The following LRGUK variants were observed in gnomAD, a reference collection of about 807,000 sequenced individuals.
The protein encoded by LRGUK is leucine rich repeats and guanylate kinase domain containing.
Under a neutral mutation model 76.0 loss-of-function variants are expected in LRGUK, and 65 were observed. The ratio of observed to expected loss-of-function variants is 0.85; its 90% confidence interval spans 0.70 to 1.05. The LOEUF (loss-of-function observed/expected upper bound fraction) is 1.05, where lower values mean the gene tolerates loss of function less well. Among genes scored for constraint, LRGUK ranks in the 50% least tolerant of loss-of-function variants. The probability of loss-of-function intolerance (pLI) is 0.00; values close to 1 mark genes in which losing one functional copy is unlikely to be tolerated. For missense variants in LRGUK, 758 were observed against 732.8 expected (o/e 1.03, Z -0.40); for synonymous variants, 268 against 265.6 (o/e 1.01, Z -0.09).
At chr7:134,250,306 A>T (rs1467377794) in intron 18 of LRGUK, among the ~76,000 whole-genome samples, 2 of 152,224 alleles carry the variant, frequency 1.3e-5, no homozygotes, top group Non-Finnish European at 2.9e-5. Flanking sequence ...TAAGAATTTA[A>T]TGAAATATTC....
intron 19 of LRGUK, among the ~76,000 whole-genome samples, chr7:134,260,701 G>A (rs147330882): frequency 6.6e-5 from 10 of 152,220 alleles, no homozygotes; most frequent in African/African-American, 2.4e-4. Flanking sequence ...GGCTTTAGCT[G>A]TTCTATCGTA....
intron 1 of LRGUK, among the ~76,000 whole-genome samples, chr7:134,130,636 C>G (rs1797262326): frequency 6.6e-6 from 1 of 152,062 alleles, no homozygotes; most frequent in Non-Finnish European, 1.5e-5. Context: ...TTTATTATTC[C>G]CATCTTAGCC....
intron 11 of LRGUK, among the ~76,000 whole-genome samples, chr7:134,191,382 T>C (rs1268805841): frequency 6.6e-6 from 1 of 152,216 alleles, no homozygotes; most frequent in African/African-American, 2.4e-5. Context: ...TAAAGTATTA[T>C]TACATGATGG....
chr7:134,212,077 A>G (rs1173508608), downstream of LRGUK, among the ~76,000 whole-genome samples: 3 of 152,222 alleles, frequency 2.0e-5, no homozygotes, highest in Non-Finnish European at 4.4e-5. Context: ...TCTCAAGCCC[A>G]TATCTGATTT....
At chr7:134,200,919 T>C (rs577079745) in intron 14 of LRGUK, among the ~76,000 whole-genome samples, 175 of 152,254 alleles carry the variant, frequency 1.1e-3, no homozygotes, top group Non-Finnish European at 1.6e-3. Flanking sequence ...CCAAAGCTCA[T>C]TCTTGTTGGC....
Position 134,176,263 on chromosome 7 carries a change from A to G in LRGUK, c.1021-714A>G, listed in dbSNP as rs553339870. On this transcript the variant is annotated intron_variant, in intron 8 of 15. Coordinates refer to ENST00000645682, the Ensembl canonical transcript of LRGUK. ...GGGAGAGTATCAGGATAAATAGCTAATGCATGCGGGGCTTAATACCTAGGT... is the reference window on the plus strand; with the variant it reads ...GGGAGAGTATCAGGATAAATAGCTAGTGCATGCGGGGCTTAATACCTAGGT... Among the ~76,000 whole-genome samples the G allele has an allele frequency of 1.4e-4, 22 of 152,254 alleles. No homozygotes were observed. In the South Asian group the frequency reaches 4.6e-3, roughly 32 times the overall value.
chr7:134,260,357 G>A (rs1398095476), intron 19 of LRGUK, among the ~76,000 whole-genome samples: 5 of 152,084 alleles, frequency 3.3e-5, no homozygotes, highest in Non-Finnish European at 7.4e-5. Context: ...TGTATTTTAT[G>A]GATGCTTTCT....
At chr7:134,136,402 A>G (rs993461381) in intron 1 of LRGUK, among the ~76,000 whole-genome samples, 17 of 152,318 alleles carry the variant, frequency 1.1e-4, no homozygotes, top group African/African-American at 2.6e-4. Flanking sequence ...TGTTTTCTCT[A>G]CCAATCTGGC....
chr7:134,212,872 G>A (rs1038384945), downstream of LRGUK, among the ~76,000 whole-genome samples: 2 of 152,152 alleles, frequency 1.3e-5, no homozygotes, highest in Non-Finnish European at 2.9e-5. Flanking sequence ...AGCGTGTTAG[G>A]CTACATTTTA....
intron 1 of LRGUK, among the ~76,000 whole-genome samples, chr7:134,129,257 TCTCCCTCCCTCCCTTC>T (rs1296364224): frequency 9.3e-6 from 1 of 107,756 alleles, no homozygotes; most frequent in African/African-American, 3.6e-5. Context: ...TCCCTCTCTC[TCTCCCTCCCTCCCTTC>T]CTCCCTCCCT....
At chr7:134,134,137 A>T (rs73454651) in intron 1 of LRGUK, among the ~76,000 whole-genome samples, 17,357 of 152,180 alleles carry the variant, frequency 0.11, 1,259 homozygotes, top group East Asian at 0.33. Context: ...AGAAGGGAAC[A>T]GATAGACTCT....
chr7:134,250,561 TC>T, intron 18 of LRGUK, among the ~76,000 whole-genome samples: 1 of 152,328 alleles, frequency 6.6e-6, no homozygotes, highest in African/African-American at 2.4e-5. Flanking sequence ...AGCAATGCTT[TC>T]CTTTATTTCT....
intron 8 of LRGUK, among the ~76,000 whole-genome samples, chr7:134,176,020 A>G (rs950478695): frequency 6.6e-6 from 1 of 152,194 alleles, no homozygotes; most frequent in Non-Finnish European, 1.5e-5. Flanking sequence ...GGTTTGAGTC[A>G]CTGGCCACGG....
At chr7:134,147,328 A>G (rs1026227714) in intron 4 of LRGUK, among the ~76,000 whole-genome samples, 1 of 151,876 alleles carries the variant, frequency 6.6e-6, no homozygotes, top group African/African-American at 2.4e-5. Flanking sequence ...CCAGCTGCTC[A>G]GAAGGCTGAG....
At chr7:134,178,054 C>A (rs1799555975) in intron 9 of LRGUK, among the ~76,000 whole-genome samples, 1 of 152,108 alleles carries the variant, frequency 6.6e-6, no homozygotes, top group Non-Finnish European at 1.5e-5. Flanking sequence ...GGGAATCATT[C>A]TTGGTGAAAT....
chr7:134,221,541 AATTG>A lies in LRGUK; in HGVS notation c.1844-234_1844-231del, dbSNP rs568128753. ...TCTTTTGATTTTATTTATAAGCCTG[AATTG>A]ATTAAGTATTGGGTATATTCGGAGG... On this transcript the variant is annotated intron_variant, in intron 15 of 19. Transcript: ENST00000285928. Among the ~76,000 whole-genome samples, 325 of 152,208 alleles carry A rather than the reference AATTG, an allele frequency of 2.1e-3. 1 individual carries two copies. Among genetic ancestry groups the A allele is most frequent in the African/African-American group, 7.3e-3 (303 of 41,546 alleles).
At chr7:134,252,204 G>T (rs2598267) in intron 18 of LRGUK, among the ~76,000 whole-genome samples, 11,190 of 151,882 alleles carry the variant, frequency 0.074, 1,006 homozygotes, top group African/African-American at 0.21. Flanking sequence ...TGGGAATGGT[G>T]GTGTGTGCCT....
rs578116370 is a variant in LRGUK, at chr7:134,224,113, G to C, written c.1983+2195G>C. On this transcript the variant is annotated intron_variant, in intron 16 of 19. Transcript: ENST00000285928. ...CTGCCCTTGGTATTCCAGCCTTCTTGGATGGTGTGGCTTGATGCTTCTTGG... is the reference window on the plus strand; with the variant it reads ...CTGCCCTTGGTATTCCAGCCTTCTTCGATGGTGTGGCTTGATGCTTCTTGG... 1.4e-4 allele frequency among the ~76,000 whole-genome samples: 21 copies of C among 152,270 alleles called. No individual in the cohort carries two copies. In the East Asian group the frequency reaches 4.1e-3, roughly 29 times the overall value.
intron 16 of LRGUK, among the ~76,000 whole-genome samples, chr7:134,236,702 C>A (rs929627414): frequency 6.6e-6 from 1 of 152,158 alleles, no homozygotes; most frequent in African/African-American, 2.4e-5. Flanking sequence ...CCCATAGGCG[C>A]CTATAGGGCC....
Sources: allele counts gnomAD v4.1 joint callset (sites outside exome capture counted in the v4.1 genomes callset), GRCh38; gene constraint gnomAD v4.1.1; transcripts MANE v1.5; gene names NCBI Gene and HGNC (gene_info 2026-07-23, HGNC 2026-07-21).